Variants in BIN1 observed in about 807,000 individuals in gnomAD.
BIN1 encodes myc box-dependent-interacting protein 1.
A neutral mutation model predicts 82.0 loss-of-function variants in BIN1; 53 were observed. The observed-to-expected ratio is 0.65, with a 90% confidence interval of 0.52 to 0.81. BIN1 has a LOEUF of 0.81. BIN1 is among the 40% of genes least tolerant of loss of function. The probability of loss-of-function intolerance (pLI) is 0.00; values close to 1 mark genes in which losing one functional copy is unlikely to be tolerated. For missense variants in BIN1, 642 were observed against 784.4 expected (o/e 0.82, Z 2.17); for synonymous variants, 302 against 328.0 (o/e 0.92, Z 0.86).
At chr2:127,050,317 G>T (rs1682742048) in intron 18 of BIN1, 104 bp downstream of exon 18, 2 of 1,249,280 alleles carry the variant, frequency 1.6e-6, no homozygotes, top group South Asian at 2.5e-5. Context: ...GGTGCTCGCG[G>T]GCCTCTGCTG....
rs761683510 is a variant in BIN1, at chr2:127,062,168, G to A, written c.804C>T (p.Val268=). 1.2e-5 allele frequency: 20 copies of A among 1,610,104 alleles called. No individual in the cohort carries two copies. The highest frequency in any genetic ancestry group is 1.6e-4 in the Middle Eastern group (1 of 6,076). ...TGCTCCCGTGTTGCTTCTCCAGGCC[G>A]ACCAGCACATCATTGAGGTTCTGGT... ...KLNQNLNDVL[V]GLEKQHGSNT... The change falls in exon 10 of 19, where the codon GTC becomes GTT. Residue 268 remains valine, a synonymous_variant. Coordinates refer to ENST00000316724, the MANE Select transcript of BIN1 (RefSeq NM_139343.3).
intron 1 of BIN1, among the ~76,000 whole-genome samples, chr2:127,077,499 T>C (rs1163404166): frequency 6.6e-6 from 1 of 151,888 alleles, no homozygotes; most frequent in African/African-American, 2.4e-5. Flanking sequence ...GGGAAAGCTC[T>C]AGGAAAGGAG....
chr2:127,081,514 G>A (rs972932084), intron 1 of BIN1, among the ~76,000 whole-genome samples: 6 of 152,126 alleles, frequency 3.9e-5, no homozygotes, highest in African/African-American at 1.2e-4. Flanking sequence ...CACACCCACA[G>A]TCTGAATGGC....
At chr2:127,080,849 G>A in intron 1 of BIN1, among the ~76,000 whole-genome samples, 1 of 152,200 alleles carries the variant, frequency 6.6e-6, no homozygotes, top group East Asian at 1.9e-4. Flanking sequence ...TCATCCACAG[G>A]GTTCAGCCTC....
chr2:127,086,168 G>C (rs911489938), intron 1 of BIN1, among the ~76,000 whole-genome samples: 1 of 152,130 alleles, frequency 6.6e-6, no homozygotes, highest in East Asian at 1.9e-4. Flanking sequence ...TGAAGAAATC[G>C]AGGGTCAGGG....
At position 127,059,754 on chromosome 2, in the gene BIN1, G is replaced by C. The variant is rs1454476068; in HGVS notation, c.858-599C>G. On this transcript the variant is annotated intron_variant, in intron 10 of 18. Transcript: ENST00000316724. The surrounding 1 kb of genome is among the most constrained non-coding windows in gnomAD (Gnocchi z 6.7). ...AGGCGTCCTCATCACAGAGGAGTGG[G>C]CAGCTGGCGATGGAGGGGACAGGTC... Among the ~76,000 whole-genome samples, 9 of 152,158 alleles carry C rather than the reference G, an allele frequency of 5.9e-5. No homozygotes were observed. The highest frequency in any genetic ancestry group is 8.8e-5 in the Non-Finnish European group (6 of 68,024).
Position 127,067,964 on chromosome 2 carries a change from A to G in BIN1, c.612+199T>C, listed in dbSNP as rs1417565182. Among the ~76,000 whole-genome samples, 1 of 152,152 alleles carries G rather than the reference A, an allele frequency of 6.6e-6. No homozygotes were observed. Among genetic ancestry groups the G allele is most frequent in the Non-Finnish European group, 1.5e-5 (1 of 68,026 alleles). ...ATAGCTATGCCCCCACCCAGGTCAC[A>G]CAGAGCCCCTCAGCCGGTTCTTTGA... On this transcript the variant is annotated intron_variant, in intron 7 of 18. Coordinates refer to ENST00000316724, the MANE Select transcript of BIN1 (RefSeq NM_139343.3). This position sits in a 1 kb window ranked among gnomAD's most constrained non-coding sequence, Gnocchi z 4.7.
At chr2:127,070,483 G>T in intron 4 of BIN1, 70 bp downstream of exon 4, 1 of 1,563,408 alleles carries the variant, frequency 6.4e-7, no homozygotes, top group South Asian at 1.1e-5. Flanking sequence ...CAGAGGGCAC[G>T]GCAGAGTGGG....
rs140059201 is a variant in BIN1 at position 127,070,061 on chromosome 2, G to A, written c.345C>T (p.His115=). 11 of 1,614,018 alleles carry A rather than the reference G, an allele frequency of 6.8e-6. No homozygotes were observed. Among genetic ancestry groups the A allele is most frequent in the African/African-American group, 1.3e-5 (1 of 74,942 alleles). ...ENNDLLWMDY[H]QKLVDQALLT... ...GCAGCGCCTGGTCCACCAGCTTCTG[G>A]TGGTAATCCATCCACAGCAGGTCGT... The change falls in exon 5 of 19, where the codon CAC becomes CAT. Residue 115 remains histidine, a synonymous_variant. Transcript: ENST00000316724.
chr2:127,096,174 C>A (rs1679583023), intron 1 of BIN1, among the ~76,000 whole-genome samples: 1 of 152,166 alleles, frequency 6.6e-6, no homozygotes. Context: ...CCTCTCCTCC[C>A]CATTCTATCA....
intron 1 of BIN1, among the ~76,000 whole-genome samples, chr2:127,091,735 A>AAT (rs1553482846): frequency 3.1e-5 from 4 of 129,254 alleles, no homozygotes; most frequent in Non-Finnish European, 6.7e-5. Context: ...CAAAAAAAAA[A>AAT]TTTTTTTTTT....
At chr2:127,053,870 T>G (rs1183469020) in intron 13 of BIN1, 35 bp downstream of exon 13, 2 of 1,542,770 alleles carry the variant, frequency 1.3e-6, no homozygotes, top group African/African-American at 2.7e-5. Context: ...ACCTGGAAGC[T>G]GGTGGGCCCA....
At position 127,077,357 on chromosome 2, in the gene BIN1, AC is replaced by A. The variant is rs370269066; in HGVS notation, c.85-652del. ...ACACACAAAACACACAAGGGCACAC[AC>A]ATGAGCTCACAGCTCTGCTCCCAAC... is the stretch of plus-strand genomic sequence containing the variant. On this transcript the variant is annotated intron_variant, in intron 1 of 18. Transcript: ENST00000316724. Among the ~76,000 whole-genome samples, 15 of 152,320 alleles carry A rather than the reference AC, an allele frequency of 9.8e-5. No individual in the cohort carries two copies. The South Asian group carries it at 3.1e-3, about 32-fold the overall frequency.
At chr2:127,065,554 C>T (rs1386094577) in intron 7 of BIN1, among the ~76,000 whole-genome samples, 1 of 152,136 alleles carries the variant, frequency 6.6e-6, no homozygotes, top group Non-Finnish European at 1.5e-5. Flanking sequence ...ACACATACCC[C>T]CTGCCCTCAA....
At chr2:127,056,321 C>A (rs1181601443) in intron 12 of BIN1, 1 of 152,428 alleles carries the variant, frequency 6.6e-6, no homozygotes, top group Admixed American at 6.5e-5. Context: ...CTTCCTACAT[C>A]GCCCTCTGCC....
At chr2:127,076,807 GTC>G in intron 1 of BIN1, 101 bp from the exon 2 acceptor site, 2 of 1,378,790 alleles carry the variant, frequency 1.5e-6, no homozygotes, top group Admixed American at 1.7e-5. Context: ...GGGCTGGGAA[GTC>G]TCTAGCCAAC....
chr2:127,101,010 G>GGGGGGGGA (rs71393837), intron 1 of BIN1, among the ~76,000 whole-genome samples: 1 of 139,692 alleles, frequency 7.2e-6, no homozygotes, highest in African/African-American at 2.8e-5. Flanking sequence ...GGGGGGTGGG[G>GGGGGGGGA]ATAGACTCAA....
intron 1 of BIN1, among the ~76,000 whole-genome samples, chr2:127,089,006 T>G (rs1678562538): frequency 6.6e-6 from 1 of 152,084 alleles, no homozygotes; most frequent in Non-Finnish European, 1.5e-5. Context: ...CAGGAGGCCC[T>G]GAAACACCAG....
intron 1 of BIN1, among the ~76,000 whole-genome samples, chr2:127,098,602 C>T (rs1376304193): frequency 6.6e-6 from 1 of 152,118 alleles, no homozygotes; most frequent in Non-Finnish European, 1.5e-5. Flanking sequence ...ACCCCACCTG[C>T]TGTCGCACTT....
Sources: gnomAD v4.1 joint callset for allele counts (sites outside exome capture counted in the v4.1 genomes callset) on GRCh38, gnomAD v4.1.1 for gene constraint, Gnocchi (gnomAD v3.1) non-coding constraint, MANE v1.5 for transcripts, NCBI Gene and HGNC (gene_info 2026-07-23, HGNC 2026-07-21) for gene names.